WWC1: variants seen among roughly 807,000 people sequenced by gnomAD.
The protein encoded by WWC1 is WW and C2 domain containing 1, also known as protein KIBRA.
Under a neutral mutation model 138.4 loss-of-function variants are expected in WWC1, and 55 were observed. The ratio of observed to expected loss-of-function variants is 0.40; its 90% CI spans 0.32 to 0.50. The LOEUF (loss-of-function observed/expected upper bound fraction) is 0.50, where lower values mean the gene tolerates loss of function less well. Ranked by LOEUF, WWC1 falls within the 20% of genes least tolerant of loss-of-function variation. WWC1 has a pLI of 0.72. For synonymous variants in WWC1, 524 were observed against 564.9 expected, an observed-to-expected ratio of 0.93 and a Z score of 1.03; for missense variants, 1,226 against 1,420.4, an observed-to-expected ratio of 0.86 and a Z score of 2.20.
Position 168,406,247 on chromosome 5 carries a change from G to A in WWC1, c.640G>A (p.Ala214Thr). The change falls in exon 6 of 23, where the codon GCT (alanine) becomes ACT (threonine). Residue 214 changes from alanine (A) to threonine (T), a missense_variant. By Grantham distance (58) the Ala-to-Thr change is moderately conservative. Coordinates refer to ENST00000265293, the MANE Select transcript of WWC1 (RefSeq NM_015238.3). ...TCAGGGCAGCTACAAACTGGATGAA[G>A]CTCAGGCTGTCTTGAGAGAAACAAA... ...DAQGSYKLDE[A>T]QAVLRETKAI... 2 of 1,614,078 alleles carry A rather than the reference G, an allele frequency of 1.2e-6. No homozygotes were observed. Among genetic ancestry groups the A allele is most frequent in the Non-Finnish European group, 1.7e-6 (2 of 1,179,958 alleles).
chr5:168,408,403 T>A (rs1421316505), intron 6 of WWC1, 104 bp from the exon 7 acceptor site: 1 of 1,365,748 alleles, frequency 7.3e-7, no homozygotes, highest in Non-Finnish European at 1.0e-6. Flanking sequence ...AGGGCACAGG[T>A]TCCTAAATTA....
chr5:168,306,892 C>T (rs1770609538), intron 1 of WWC1, among the ~76,000 whole-genome samples: 1 of 152,226 alleles, frequency 6.6e-6, no homozygotes, highest in South Asian at 2.1e-4. Flanking sequence ...CCACCACGCC[C>T]AGCCAGTCTA....
intron 1 of WWC1, among the ~76,000 whole-genome samples, chr5:168,352,719 G>A (rs1371276504): frequency 6.6e-6 from 1 of 151,912 alleles, no homozygotes; most frequent in Non-Finnish European, 1.5e-5. Flanking sequence ...AAGTAGTTGG[G>A]ATTACAGATG....
chr5:168,324,740 A>G (rs930637460), intron 1 of WWC1, among the ~76,000 whole-genome samples: 26 of 152,232 alleles, frequency 1.7e-4, no homozygotes, highest in African/African-American at 6.3e-4. Flanking sequence ...TTTAATTAAA[A>G]AGTAGAAAAA....
chr5:168,379,185 C>T (rs1359019048), intron 2 of WWC1, among the ~76,000 whole-genome samples: 2 of 152,094 alleles, frequency 1.3e-5, no homozygotes, highest in Non-Finnish European at 2.9e-5. Context: ...TTTTATAGTG[C>T]ACTGAATTAT....
At chr5:168,428,476 T>C (rs896038119) in intron 12 of WWC1, among the ~76,000 whole-genome samples, 37 of 152,118 alleles carry the variant, frequency 2.4e-4, no homozygotes, top group Admixed American at 2.0e-3. Context: ...TCCCAGCTAC[T>C]TGGGAGGCTT....
At chr5:168,411,963 T>G (rs1780261885) in intron 8 of WWC1, 1 of 984,348 alleles carries the variant, frequency 1.0e-6, no homozygotes, top group Non-Finnish European at 1.2e-6. Context: ...AATTGAATAC[T>G]GGTCAGGTAG....
At chr5:168,309,538 A>G (rs965104016) in intron 1 of WWC1, among the ~76,000 whole-genome samples, 7 of 151,592 alleles carry the variant, frequency 4.6e-5, no homozygotes, top group Admixed American at 1.3e-4. Flanking sequence ...AGAAACATCC[A>G]TCTCCATTCC....
intron 21 of WWC1, among the ~76,000 whole-genome samples, chr5:168,465,548 C>CTTTTTTTTTTTTTTTT (rs10527141): frequency 0.013 from 631 of 46,950 alleles, 301 homozygotes; most frequent in African/African-American, 0.015. Flanking sequence ...ATCAGCTGGG[C>CTTTTTTTTTTTTTTTT]TTTTTTTTTT....
intron 8 of WWC1, chr5:168,412,184 A>C: frequency 2.0e-6 from 2 of 985,472 alleles, no homozygotes; most frequent in Non-Finnish European, 2.4e-6. Context: ...TTGAGCCATT[A>C]GACTTCTCAT....
chr5:168,332,685 T>C (rs1696291793), intron 1 of WWC1, among the ~76,000 whole-genome samples: 1 of 151,992 alleles, frequency 6.6e-6, no homozygotes, highest in Non-Finnish European at 1.5e-5. Context: ...GGGTTACTTC[T>C]GTATGTTTTT....
chr5:168,464,159 G>C (rs1395913124), intron 20 of WWC1, among the ~76,000 whole-genome samples: 4 of 152,146 alleles, frequency 2.6e-5, no homozygotes, highest in Non-Finnish European at 5.9e-5. Context: ...TTACTCTAAG[G>C]CTGGGGAAAC....
At chr5:168,464,147 T>A (rs1757046423) in intron 20 of WWC1, among the ~76,000 whole-genome samples, 1 of 152,004 alleles carries the variant, frequency 6.6e-6, no homozygotes, top group African/African-American at 2.4e-5. Flanking sequence ...GTGAGGGCAT[T>A]GTTACTCTAA....
At chr5:168,382,139 T>C (rs1405632552) in intron 2 of WWC1, among the ~76,000 whole-genome samples, 1 of 152,114 alleles carries the variant, frequency 6.6e-6, no homozygotes. Context: ...TAAACCCAAA[T>C]ACCATAGCGT....
intron 2 of WWC1, among the ~76,000 whole-genome samples, chr5:168,379,639 A>T (rs1024626103): frequency 1.3e-5 from 2 of 152,108 alleles, no homozygotes; most frequent in Admixed American, 6.5e-5. Flanking sequence ...ACCTCAAGTG[A>T]TCCACCTGCC....
chr5:168,313,834 T>TA (rs1470960004), intron 1 of WWC1, among the ~76,000 whole-genome samples: 1 of 152,224 alleles, frequency 6.6e-6, no homozygotes, highest in African/African-American at 2.4e-5. Context: ...TACAACCAGC[T>TA]ATAAATACTA....
At chr5:168,428,261 A>G in intron 12 of WWC1, 120 bp downstream of exon 12, 1 of 963,176 alleles carries the variant, frequency 1.0e-6, no homozygotes, top group Non-Finnish European at 1.5e-6. Context: ...GAGGAGCCCC[A>G]AGAGGGCATG....
intron 1 of WWC1, among the ~76,000 whole-genome samples, chr5:168,312,363 C>T (rs919647068): frequency 7.2e-5 from 11 of 152,258 alleles, no homozygotes; most frequent in South Asian, 2.1e-4. Flanking sequence ...GAAGACGTGG[C>T]GGCACAGGGG....
intron 1 of WWC1, among the ~76,000 whole-genome samples, chr5:168,363,587 G>T (rs1024857471): frequency 6.3e-4 from 95 of 151,302 alleles, no homozygotes; most frequent in African/African-American, 2.0e-3. Flanking sequence ...GAAGGGAGGT[G>T]ATAGAATACA....
Sources: allele counts gnomAD v4.1 joint callset (sites outside exome capture counted in the v4.1 genomes callset), GRCh38; gene constraint gnomAD v4.1.1; transcripts MANE v1.5; gene names NCBI Gene and HGNC (gene_info 2026-07-23, HGNC 2026-07-21).